GLRA3: variants seen among roughly 807,000 people sequenced by gnomAD.
GLRA3 encodes glycine receptor subunit alpha-3.
In GLRA3, 44 loss-of-function variants were observed where a neutral mutation model predicts 60.4. The observed-to-expected ratio is 0.73, with a 90% CI of 0.57 to 0.94. GLRA3 has a LOEUF of 0.94. Among genes scored for constraint, GLRA3 ranks in the 40% least tolerant of loss-of-function variants. GLRA3 has a pLI of 0.00. For synonymous variants in GLRA3, 223 were observed against 192.9 expected, an observed-to-expected ratio of 1.16 and a Z score of -1.29; for missense variants, 508 against 564.6, an observed-to-expected ratio of 0.90 and a Z score of 1.02.
chr4:174,752,586 G>A lies in GLRA3; in HGVS notation c.267+14377C>T, dbSNP rs543589598. Among the ~76,000 whole-genome samples the A allele has an allele frequency of 2.0e-5, 3 of 152,188 alleles. No homozygotes were observed. The South Asian group carries it at 6.2e-4, about 32-fold the overall frequency. On this transcript the variant is annotated intron_variant, in intron 3 of 9. Coordinates refer to ENST00000274093, the MANE Select transcript of GLRA3 (RefSeq NM_006529.4). ...GTAGAGAGTAATTCTTCACTATTCC[G>A]AAAGTTTGACGATAGAAAAGAGTCC...
chr4:174,720,277 T>C (rs1319539680), intron 4 of GLRA3, among the ~76,000 whole-genome samples: 1 of 152,188 alleles, frequency 6.6e-6, no homozygotes, highest in Admixed American at 6.5e-5. Context: ...TGAGACATCT[T>C]AATAACTCAA....
chr4:174,804,770 A>G (rs1273744459), intron 1 of GLRA3, among the ~76,000 whole-genome samples: 1 of 152,112 alleles, frequency 6.6e-6, no homozygotes, highest in African/African-American at 2.4e-5. Context: ...TCTACAGTGA[A>G]ATTCAGAAGG....
chr4:174,779,252 T>C (rs2111271707), intron 2 of GLRA3, among the ~76,000 whole-genome samples: 1 of 152,208 alleles, frequency 6.6e-6, no homozygotes, highest in South Asian at 2.1e-4. Flanking sequence ...CAGCTGAGGG[T>C]CCTGTCTGTT....
chr4:174,737,914 A>G (rs17060817), intron 3 of GLRA3, among the ~76,000 whole-genome samples: 61,654 of 151,994 alleles, frequency 0.41, 13,093 homozygotes, highest in African/African-American at 0.5. Context: ...ATTCATGAGG[A>G]CTTTTATGGC....
intron 5 of GLRA3, among the ~76,000 whole-genome samples, chr4:174,686,520 G>A (rs917264293): frequency 2.0e-5 from 3 of 152,186 alleles, no homozygotes; most frequent in Non-Finnish European, 2.9e-5. Context: ...GCAACCAAAC[G>A]CTTGTTTTAC....
chr4:174,776,842 A>T (rs1244797554), intron 2 of GLRA3, among the ~76,000 whole-genome samples: 2 of 152,226 alleles, frequency 1.3e-5, no homozygotes, highest in Non-Finnish European at 2.9e-5. Context: ...CAACGTCCAC[A>T]ACTTCGCATT....
Position 174,637,229 on chromosome 4 carries a change from A to C in GLRA3, c.*6557T>G, listed in dbSNP as rs1732516980. ...ATAAAATAGCAATACTTCTTTTGGT[A>C]GTCCTTTAAACAACTTGACTCACTA... On this transcript the variant is annotated 3_prime_UTR_variant, in exon 10 of 10. Transcript: ENST00000274093. 6.6e-6 allele frequency: 1 copy of C among 152,164 alleles called. No individual in the cohort carries two copies. Among genetic ancestry groups the C allele is most frequent in the Non-Finnish European group, 1.5e-5 (1 of 68,020 alleles). 9.4% of individuals were successfully genotyped at this position (152,164 alleles called of 1,614,324 possible).
Position 174,656,781 on chromosome 4 carries a change from C to A in GLRA3, c.1078G>T (p.Ala360Ser), listed in dbSNP as rs1325522618. The A allele has an allele frequency of 1.3e-6, 2 of 1,582,776 alleles. No individual in the cohort carries two copies. The highest frequency in any genetic ancestry group is 1.7e-6 in the Non-Finnish European group (2 of 1,152,008). Residue 360 changes from alanine (A) to serine (S), a missense_variant, in exon 9 of 10, where the codon GCT (alanine) becomes TCT (serine). Ala to Ser is a moderately conservative substitution (Grantham distance 99). Coordinates refer to ENST00000274093, the MANE Select transcript of GLRA3 (RefSeq NM_006529.4). ...CGGTAAAACTTCTCCAGTGCAAAAGCTTCTGTCTGTGGGAAGGTAAAGTGG... is the reference window on the plus strand; with the variant it reads ...CGGTAAAACTTCTCCAGTGCAAAAGATTCTGTCTGTGGGAAGGTAAAGTGG... Reference protein sequence around the residue: ...FRRKRKNKTEAFALEKFYRFS... With the variant: ...FRRKRKNKTESFALEKFYRFS...
intron 5 of GLRA3, among the ~76,000 whole-genome samples, chr4:174,696,360 A>G (rs750371304): frequency 3.3e-5 from 5 of 151,428 alleles, no homozygotes; most frequent in Non-Finnish European, 7.4e-5. Flanking sequence ...TTTTAAAGAA[A>G]AACAAATTTT....
intron 4 of GLRA3, among the ~76,000 whole-genome samples, chr4:174,721,491 A>C (rs1335096787): frequency 1.7e-5 from 2 of 118,632 alleles, no homozygotes; most frequent in East Asian, 2.3e-4. Flanking sequence ...AACATATATA[A>C]ACAAGTAATA....
intron 9 of GLRA3, among the ~76,000 whole-genome samples, chr4:174,655,142 A>G (rs1014894393): frequency 1.3e-5 from 2 of 152,118 alleles, no homozygotes; most frequent in African/African-American, 4.8e-5. Flanking sequence ...ATTCATGTAA[A>G]CCAGTACTCA....
chr4:174,753,667 G>C (rs539766842), intron 3 of GLRA3, among the ~76,000 whole-genome samples: 1 of 152,268 alleles, frequency 6.6e-6, no homozygotes, highest in East Asian at 1.9e-4. Flanking sequence ...CAAGAGAAGT[G>C]TTTAATTGAT....
At chr4:174,815,303 G>A (rs1180806618) in intron 1 of GLRA3, among the ~76,000 whole-genome samples, 1 of 152,140 alleles carries the variant, frequency 6.6e-6, no homozygotes, top group African/African-American at 2.4e-5. Context: ...TGTTTTCATG[G>A]GCTGGCATTG....
chr4:174,701,521 C>T (rs1226287333), intron 5 of GLRA3, among the ~76,000 whole-genome samples: 5 of 152,148 alleles, frequency 3.3e-5, no homozygotes. Flanking sequence ...GTAATTTTGA[C>T]TTTTAGTCTT....
chr4:174,791,264 C>T (rs868314421), intron 1 of GLRA3, among the ~76,000 whole-genome samples: 6 of 152,116 alleles, frequency 3.9e-5, no homozygotes, highest in East Asian at 1.9e-4. Flanking sequence ...ATTGGGGTGA[C>T]GCGGCCACAG....
chr4:174,705,229 A>G (rs1252418629), intron 5 of GLRA3, among the ~76,000 whole-genome samples: 1 of 143,762 alleles, frequency 7.0e-6, no homozygotes, highest in Non-Finnish European at 1.5e-5. Context: ...CTGCCATTAT[A>G]AAAGGGTGGT....
chr4:174,778,763 C>T (rs913089286), intron 2 of GLRA3, among the ~76,000 whole-genome samples: 10 of 152,234 alleles, frequency 6.6e-5, no homozygotes, highest in African/African-American at 2.4e-4. Flanking sequence ...GCTTTTCCGA[C>T]AGGCTTAAAA....
intron 6 of GLRA3, among the ~76,000 whole-genome samples, chr4:174,682,182 A>G (rs1175163385): frequency 6.6e-6 from 1 of 152,218 alleles, no homozygotes; most frequent in African/African-American, 2.4e-5. Context: ...GTATGTATAC[A>G]TTCTAACTGT....
chr4:174,708,871 A>T (rs1735610896), intron 5 of GLRA3, among the ~76,000 whole-genome samples: 1 of 150,204 alleles, frequency 6.7e-6, no homozygotes, highest in Admixed American at 6.6e-5. Flanking sequence ...CTTTTAATGT[A>T]AATAAAAAAC....
Sources: allele counts gnomAD v4.1 joint callset (sites outside exome capture counted in the v4.1 genomes callset), GRCh38; gene constraint gnomAD v4.1.1; transcripts MANE v1.5; gene names NCBI Gene and HGNC (gene_info 2026-07-23, HGNC 2026-07-21).